The following TENM3 variants were observed in gnomAD, a reference collection of about 807,000 sequenced individuals.
The protein encoded by TENM3 is teneurin-3.
TENM3 carries 63 observed loss-of-function variants against 255.1 expected under a neutral mutation model. The observed-to-expected ratio is 0.25, with a 90% CI of 0.20 to 0.30. TENM3 has a LOEUF of 0.30. Among genes scored for constraint, TENM3 ranks in the 10% least tolerant of loss-of-function variants. TENM3 has a pLI of 1.00. For missense variants in TENM3, 2,929 were observed against 3,461.1 expected (o/e 0.85, Z 3.86); for synonymous variants, 1,306 against 1,322.3 (o/e 0.99, Z 0.27).
At chr4:182,695,237 C>G (rs956417119) in intron 12 of TENM3, among the ~76,000 whole-genome samples, 1 of 152,100 alleles carries the variant, frequency 6.6e-6, no homozygotes, top group African/African-American at 2.4e-5. Context: ...TACCAGCGTC[C>G]CTGACCTTGC....
the TENM3 span, among the ~76,000 whole-genome samples, chr4:181,611,384 G>A: frequency 1.3e-5 from 2 of 152,276 alleles, no homozygotes; most frequent in South Asian, 2.1e-4. Context: ...TGACTTTACC[G>A]ACTGTGTCAA....
the TENM3 span, among the ~76,000 whole-genome samples, chr4:181,707,516 G>A: frequency 7.2e-5 from 11 of 152,068 alleles, no homozygotes; most frequent in African/African-American, 1.7e-4. Context: ...TCTTCTTATC[G>A]AAAATGGGAT....
At chr4:182,380,304 G>T (rs1319683445) in intron 3 of TENM3, among the ~76,000 whole-genome samples, 1 of 151,828 alleles carries the variant, frequency 6.6e-6, no homozygotes. Context: ...AAACAAAAAA[G>T]AACTAGTGCA....
intron 3 of TENM3, among the ~76,000 whole-genome samples, chr4:182,535,676 G>A (rs942437241): frequency 6.6e-6 from 1 of 151,810 alleles, no homozygotes; most frequent in Admixed American, 6.6e-5. Context: ...GGAGTTCGAG[G>A]CTGAAGTGAG....
intron 3 of TENM3, among the ~76,000 whole-genome samples, chr4:182,406,903 G>T (rs976165103): frequency 3.3e-5 from 5 of 152,090 alleles, no homozygotes; most frequent in African/African-American, 7.2e-5. Context: ...AAGCAGATTC[G>T]CCATCTTTAG....
chr4:181,528,981 A>G, the TENM3 span, among the ~76,000 whole-genome samples: 2 of 152,254 alleles, frequency 1.3e-5, no homozygotes, highest in South Asian at 4.1e-4. Flanking sequence ...TATGAGTAGC[A>G]TAAATAAGAT....
chr4:182,719,502 G>T lies in TENM3; in HGVS notation c.2368+5269G>T, dbSNP rs995035830. ...TCTCGAACTCCTGACCTTGTGATCC[G>T]CCCCCCTCGGCCTCCCAAAGTGCTG... is the stretch of plus-strand genomic sequence containing the variant. On this transcript the variant is annotated intron_variant, in intron 13 of 27. Transcript: ENST00000511685. Among the ~76,000 whole-genome samples the T allele has an allele frequency of 2.0e-5, 3 of 151,722 alleles. 1 individual carries two copies. The highest frequency in any genetic ancestry group is 6.9e-3 in the Middle Eastern group (2 of 290).
At chr4:182,248,516 A>G (rs1028434766) in intron 1 of TENM3, among the ~76,000 whole-genome samples, 2 of 152,248 alleles carry the variant, frequency 1.3e-5, no homozygotes, top group Non-Finnish European at 2.9e-5. Context: ...ATTTTTGTTT[A>G]ACATAGATCT....
chr4:182,791,161 CTATT>C (rs1561258555), intron 25 of TENM3, among the ~76,000 whole-genome samples: 1 of 152,190 alleles, frequency 6.6e-6, no homozygotes, highest in Non-Finnish European at 1.5e-5. Flanking sequence ...ACAATGCAAA[CTATT>C]AGGAACAATT....
At chr4:182,454,915 A>G (rs1454383659) in intron 3 of TENM3, among the ~76,000 whole-genome samples, 1 of 152,248 alleles carries the variant, frequency 6.6e-6, no homozygotes, top group African/African-American at 2.4e-5. Flanking sequence ...AAGCTGTGAA[A>G]CATTACTGAT....
At chr4:181,951,132 C>T in the TENM3 span, among the ~76,000 whole-genome samples, 3 of 152,174 alleles carry the variant, frequency 2.0e-5, no homozygotes, top group Admixed American at 6.5e-5. Context: ...TGTTATTTTT[C>T]CCAGTTTTCT....
chr4:181,507,844 C>A, the TENM3 span, among the ~76,000 whole-genome samples: 16 of 149,838 alleles, frequency 1.1e-4, no homozygotes, highest in African/African-American at 3.7e-4. Context: ...CGGTTTTCTT[C>A]GCCTCTCTCT....
At chr4:181,889,948 T>C in the TENM3 span, among the ~76,000 whole-genome samples, 3 of 152,348 alleles carry the variant, frequency 2.0e-5, no homozygotes, top group South Asian at 6.2e-4. Context: ...TCTCCATGAA[T>C]GTTAGGTTGA....
intron 3 of TENM3, among the ~76,000 whole-genome samples, chr4:182,393,697 T>G (rs1768600863): frequency 6.6e-6 from 1 of 152,216 alleles, no homozygotes; most frequent in Non-Finnish European, 1.5e-5. Flanking sequence ...AAATACCATC[T>G]AATATCCTGT....
chr4:182,672,761 C>T (rs886631065), intron 6 of TENM3, among the ~76,000 whole-genome samples: 1 of 152,152 alleles, frequency 6.6e-6, no homozygotes, highest in African/African-American at 2.4e-5. Context: ...TAGTAATGGG[C>T]ATACCTTGGG....
the TENM3 span, among the ~76,000 whole-genome samples, chr4:182,096,426 C>A: frequency 6.6e-6 from 1 of 151,848 alleles, no homozygotes; most frequent in African/African-American, 2.4e-5. Context: ...CAAATAGGAG[C>A]CAAATCATAG....
At chr4:181,908,982 T>A in the TENM3 span, among the ~76,000 whole-genome samples, 1 of 152,170 alleles carries the variant, frequency 6.6e-6, no homozygotes, top group Non-Finnish European at 1.5e-5. Context: ...AACATAACAT[T>A]TATAGGCTAG....
intron 3 of TENM3, among the ~76,000 whole-genome samples, chr4:182,551,511 G>T (rs967346948): frequency 6.6e-6 from 1 of 152,164 alleles, no homozygotes; most frequent in Middle Eastern, 3.4e-3. Flanking sequence ...ATTAGAAAAG[G>T]ACTGAATAAA....
chr4:181,766,935 A>T, the TENM3 span, among the ~76,000 whole-genome samples: 1,042 of 152,226 alleles, frequency 6.8e-3, 14 homozygotes, highest in African/African-American at 0.024. Context: ...AGATATTTTT[A>T]AAAATAGAAT....
Sources: gnomAD v4.1 joint callset for allele counts (sites outside exome capture counted in the v4.1 genomes callset) on GRCh38, gnomAD v4.1.1 for gene constraint, MANE v1.5 for transcripts, NCBI Gene and HGNC (gene_info 2026-07-23, HGNC 2026-07-21) for gene names.